The following TUSC3 variants were observed in gnomAD, a reference collection of about 807,000 sequenced individuals.
TUSC3 encodes tumor suppressor candidate 3, also known as dolichyl-diphosphooligosaccharide--protein glycosyltransferase subunit TUSC3.
TUSC3 carries 45 observed loss-of-function variants against 44.8 expected under a neutral mutation model. The observed-to-expected ratio is 1.00, with a 90% CI of 0.79 to 1.29. The LOEUF (loss-of-function observed/expected upper bound fraction) is 1.29, where lower values mean the gene tolerates loss of function less well. Ranked by LOEUF, TUSC3 falls within the 50% of genes most tolerant of loss-of-function variation. The pLI is 0.00. For synonymous variants in TUSC3, 212 were observed against 152.9 expected, an observed-to-expected ratio of 1.39 and a Z score of -2.85; for missense variants, 519 against 437.9, an observed-to-expected ratio of 1.19 and a Z score of -1.65.
intron 1 of TUSC3, among the ~76,000 whole-genome samples, chr8:15,600,275 C>G (rs976302938): frequency 4.6e-5 from 7 of 151,394 alleles, no homozygotes; most frequent in African/African-American, 1.7e-4. Context: ...GTAATGACAG[C>G]AAGATAAAAT....
At chr8:15,550,561 AC>A (rs1284630159) in intron 1 of TUSC3, among the ~76,000 whole-genome samples, 2 of 151,508 alleles carry the variant, frequency 1.3e-5, no homozygotes, top group African/African-American at 2.4e-5. Flanking sequence ...TCAGGGTCTT[AC>A]CCTCCTACCC....
intron 1 of TUSC3, chr8:15,561,470 CTGCCCCCAGAGG>C (rs1170221139): frequency 6.9e-6 from 1 of 144,076 alleles, no homozygotes; most frequent in African/African-American, 2.5e-5. Context: ...TGTCTGTGCC[CTGCCCCCAGAGG>C]TGGAGCCTAC....
chr8:15,507,802 A>G (rs1801077253), intron 2 of TUSC3, among the ~76,000 whole-genome samples: 1 of 152,170 alleles, frequency 6.6e-6, no homozygotes, highest in Non-Finnish European at 1.5e-5. Context: ...TAAGGAAAAA[A>G]CTATAGTTAA....
intron 1 of TUSC3, among the ~76,000 whole-genome samples, chr8:15,421,582 ATT>A (rs1433443466): frequency 5.9e-5 from 9 of 152,104 alleles, no homozygotes; most frequent in African/African-American, 2.2e-4. Context: ...TGTTTTAGTT[ATT>A]TGTTATTGTC....
intron 1 of TUSC3, among the ~76,000 whole-genome samples, chr8:15,462,658 G>A (rs1240417458): frequency 6.6e-6 from 1 of 152,070 alleles, no homozygotes. Flanking sequence ...GCAAAAAGTT[G>A]GTTCGCAGGC....
intron 1 of TUSC3, among the ~76,000 whole-genome samples, chr8:15,423,392 T>G (rs1277908939): frequency 6.6e-6 from 1 of 152,218 alleles, no homozygotes; most frequent in Non-Finnish European, 1.5e-5. Flanking sequence ...ACTTTTCGGA[T>G]ACTGTCTCCT....
At chr8:15,627,832 C>G (rs1311999117) in intron 2 of TUSC3, among the ~76,000 whole-genome samples, 2 of 152,220 alleles carry the variant, frequency 1.3e-5, no homozygotes, top group African/African-American at 2.4e-5. Context: ...TCTTGTTGCT[C>G]TGTTCCTGGT....
At chr8:15,475,156 T>G (rs552630565) in intron 1 of TUSC3, among the ~76,000 whole-genome samples, 1 of 152,264 alleles carries the variant, frequency 6.6e-6, no homozygotes, top group South Asian at 2.1e-4. Flanking sequence ...ATGCTACACC[T>G]AAAGTCTTAA....
At chr8:15,630,723 G>A (rs1435893545) in intron 2 of TUSC3, among the ~76,000 whole-genome samples, 1 of 152,162 alleles carries the variant, frequency 6.6e-6, no homozygotes, top group Non-Finnish European at 1.5e-5. Context: ...TCTTAGGGCA[G>A]TGATCTCTCC....
chr8:15,563,523 T>A (rs1405473440), intron 1 of TUSC3, among the ~76,000 whole-genome samples: 2 of 151,610 alleles, frequency 1.3e-5, no homozygotes, highest in East Asian at 3.9e-4. Flanking sequence ...CTGTCTCTGC[T>A]AAAAATACAA....
At chr8:15,618,855 G>A (rs1373646881) in intron 1 of TUSC3, among the ~76,000 whole-genome samples, 1 of 152,136 alleles carries the variant, frequency 6.6e-6, no homozygotes, top group Non-Finnish European at 1.5e-5. Flanking sequence ...TGTTACCACG[G>A]CTGCCCTTCA....
At chr8:15,686,617 T>C (rs1256472098) in intron 6 of TUSC3, among the ~76,000 whole-genome samples, 1 of 152,074 alleles carries the variant, frequency 6.6e-6, no homozygotes, top group East Asian at 1.9e-4. Flanking sequence ...TATCATCCCA[T>C]TTTTTAAAAA....
the TUSC3 span, among the ~76,000 whole-genome samples, chr8:15,811,024 G>C: frequency 2.0e-5 from 3 of 152,076 alleles, no homozygotes; most frequent in Admixed American, 6.6e-5. Context: ...TAAATAAGAA[G>C]CAAGCTCATC....
rs1206083201 is a variant in TUSC3 at position 15,574,226 on chromosome 8, C to T, written c.138+33658C>T. Among the ~76,000 whole-genome samples, 3 of 152,110 alleles carry T rather than the reference C, an allele frequency of 2.0e-5. No individual in the cohort carries two copies. In the East Asian group the frequency reaches 5.8e-4, roughly 29 times the overall value. On this transcript the variant is annotated intron_variant, in intron 1 of 10. Coordinates refer to ENST00000503731, the MANE Select transcript of TUSC3 (RefSeq NM_006765.4). ...ATCTCCCTAATTCCTTACTCCCACC[C>T]TTCCTCTTGCGTTTCTCCTTCTCTC...
At chr8:15,430,437 G>C (rs1489335710) in intron 1 of TUSC3, among the ~76,000 whole-genome samples, 3 of 150,466 alleles carry the variant, frequency 2.0e-5, no homozygotes, top group Admixed American at 6.6e-5. Context: ...AACCCTTCAT[G>C]TTAAAAACTC....
chr8:15,572,148 A>G (rs748986471), intron 1 of TUSC3, among the ~76,000 whole-genome samples: 4 of 152,190 alleles, frequency 2.6e-5, no homozygotes, highest in Non-Finnish European at 4.4e-5. Flanking sequence ...GCCTTCCAGT[A>G]GAAGGATGTT....
chr8:15,589,271 G>C (rs1803724800), intron 1 of TUSC3, among the ~76,000 whole-genome samples: 1 of 152,072 alleles, frequency 6.6e-6, no homozygotes, highest in African/African-American at 2.4e-5. Context: ...CATTTATCCA[G>C]TCTGTAACTT....
rs538593804 is a variant in TUSC3 at position 15,600,173 on chromosome 8, A to T, written c.139-22907A>T. The stretch of plus-strand genomic sequence containing the variant: ...TATTTTATAAGCATTTGTTTGTCCT[A>T]TAAAATTCTAATTCATTTTCCAAAT... On this transcript the variant is annotated intron_variant, in intron 1 of 10. Coordinates refer to ENST00000503731, the MANE Select transcript of TUSC3 (RefSeq NM_006765.4). Among the ~76,000 whole-genome samples, 13 of 151,930 alleles carry T rather than the reference A, an allele frequency of 8.6e-5. No individual in the cohort carries two copies. In the South Asian group the frequency reaches 2.3e-3, roughly 27 times the overall value.
At chr8:15,523,658 ATATATATGTGTGTGTGTGTGTGTG>A (rs1194608725) in intron 2 of TUSC3, among the ~76,000 whole-genome samples, 3,516 of 21,260 alleles carry the variant, frequency 0.17, 314 homozygotes, top group African/African-American at 0.32. Flanking sequence ...ATATATATAT[ATATATATGTGTGTGTGTGTGTGTG>A]TGTGTGTGTG....
Sources: allele counts gnomAD v4.1 joint callset (sites outside exome capture counted in the v4.1 genomes callset), GRCh38; gene constraint gnomAD v4.1.1; transcripts MANE v1.5; gene names NCBI Gene and HGNC (gene_info 2026-07-23, HGNC 2026-07-21).